CEP41: variants seen among roughly 807,000 people sequenced by gnomAD.
CEP41 encodes the protein centrosomal protein 41.
CEP41 carries 32 observed loss-of-function variants against 44.3 expected under a neutral mutation model. The observed-to-expected ratio is 0.72, with a 90% confidence interval of 0.54 to 0.97. CEP41 has a LOEUF of 0.97. Among genes scored for constraint, CEP41 ranks in the 50% least tolerant of loss-of-function variants. The pLI is 0.00. For synonymous variants in CEP41, 151 were observed against 168.5 expected, an observed-to-expected ratio of 0.90 and a Z score of 0.80; for missense variants, 432 against 455.2, an observed-to-expected ratio of 0.95 and a Z score of 0.46.
At chr7:130,440,311 C>G (rs1324061884) in intron 1 of CEP41, among the ~76,000 whole-genome samples, 1 of 152,190 alleles carries the variant, frequency 6.6e-6, no homozygotes, top group Non-Finnish European at 1.5e-5. Flanking sequence ...AGCCACCGCG[C>G]CTGGTCCACT....
At position 130,404,661 on chromosome 7, in the gene CEP41, T is replaced by G; in HGVS notation, c.325A>C (p.Thr109Pro). 6.2e-7 allele frequency: 1 copy of G among 1,612,906 alleles called. No homozygotes were observed. The highest frequency in any genetic ancestry group is 1.1e-5 in the South Asian group (1 of 91,062). ...TCACCTGGATTTCCTTTCCCATTGG[T>G]CCTGGCAGTGGTTTCAGCATCAGGG... ...SDPDAETTAR[T>P]NGKGNPGEQS... The change falls in exon 6 of 11, where the codon ACC becomes CCC. Residue 109 changes from threonine to proline, a missense_variant. Transcript: ENST00000223208.
At chr7:130,420,173 C>T in intron 2 of CEP41, 1 of 531,172 alleles carries the variant, frequency 1.9e-6, no homozygotes, top group Non-Finnish European at 2.4e-6. Context: ...CACACACATA[C>T]ACAAAAACTA....
chr7:130,430,375 A>T (rs1357406081), intron 1 of CEP41, among the ~76,000 whole-genome samples: 2 of 152,088 alleles, frequency 1.3e-5, no homozygotes, highest in Non-Finnish European at 2.9e-5. Context: ...CAGGCAAATC[A>T]CATCTTTATC....
rs1796733340 is a variant in CEP41, at chr7:130,398,336, AT to A, written c.*554del. On this transcript the variant is annotated 3_prime_UTR_variant, in exon 11 of 11. Transcript: ENST00000223208. ...CCATACTCAAAACAGGGCCTGCAAT[AT>A]GCTGGGCAGAGAGCTCCTTGCTGAG... is the stretch of plus-strand genomic sequence containing the variant. The A allele has an allele frequency of 2.2e-6, 1 of 453,908 alleles. No individual in the cohort carries two copies. The highest frequency in any genetic ancestry group is 4.4e-6 in the Non-Finnish European group (1 of 226,780). The allele number at this position is 453,908 out of a possible 1,614,324, so 28.1% of individuals were successfully genotyped here. A position where few individuals can be genotyped will look rare whatever the true frequency, so the allele number is the denominator to read the frequency against.
intron 10 of CEP41, chr7:130,399,258 G>A: frequency 1.7e-6 from 1 of 591,190 alleles, no homozygotes; most frequent in South Asian, 2.0e-5. Context: ...ACCCAGATAG[G>A]TTTTTTTTCC....
intron 1 of CEP41, among the ~76,000 whole-genome samples, chr7:130,434,322 A>G (rs1554425725): frequency 6.6e-6 from 1 of 152,234 alleles, no homozygotes; most frequent in African/African-American, 2.4e-5. Flanking sequence ...AAGCTCTTAC[A>G]GAAAAAAAAT....
chr7:130,404,589 C>T lies in CEP41; in HGVS notation c.397G>A (p.Asp133Asn). ...EQFINNAGAG[D>N]SSRSTLQSVI... ...CTCTGAAGAGTTGAGCGGCTGGAGT[C>T]CCCTGCTCCTGCGTTGTTTATGAAC... The change falls in exon 6 of 11, where the codon GAC becomes AAC. Residue 133 changes from aspartate (D) to asparagine (N), a missense_variant. Physicochemically the swap from Asp to Asn is conservative, Grantham distance 23 (BLOSUM62 1). Coordinates refer to ENST00000223208, the MANE Select transcript of CEP41 (RefSeq NM_018718.3). 1 of 1,613,686 alleles carries T rather than the reference C, an allele frequency of 6.2e-7. No individual in the cohort carries two copies.
Position 130,399,861 on chromosome 7 carries a change from C to T in CEP41, c.973+178G>A. On this transcript the variant is annotated intron_variant, in intron 10 of 10. Coordinates refer to ENST00000223208, the MANE Select transcript of CEP41 (RefSeq NM_018718.3). ...GCTATGTTTTGATAAAGTCTCTCTTCAATGCGTAATTCTTGCCACTATCTG... is the reference window on the plus strand; with the variant it reads ...GCTATGTTTTGATAAAGTCTCTCTTTAATGCGTAATTCTTGCCACTATCTG... The T allele has an allele frequency of 8.1e-6, 5 of 615,612 alleles. No individual in the cohort carries two copies. In the Admixed American group the frequency reaches 1.4e-4, roughly 17 times the overall value. 38.1% of individuals were successfully genotyped at this position (615,612 alleles called of 1,614,324 possible).
intron 1 of CEP41, among the ~76,000 whole-genome samples, chr7:130,439,521 T>G (rs906429215): frequency 6.6e-6 from 1 of 152,190 alleles, no homozygotes; most frequent in Non-Finnish European, 1.5e-5. Flanking sequence ...TCTTCCCATT[T>G]CTGCCCTCCT....
chr7:130,405,368 A>G (rs1796979303), intron 5 of CEP41, among the ~76,000 whole-genome samples: 1 of 152,196 alleles, frequency 6.6e-6, no homozygotes, highest in Non-Finnish European at 1.5e-5. Context: ...AGACTTGTAT[A>G]TTTGGCAGAC....
intron 2 of CEP41, among the ~76,000 whole-genome samples, chr7:130,427,371 C>T (rs1244709951): frequency 6.6e-6 from 1 of 152,070 alleles, no homozygotes; most frequent in East Asian, 1.9e-4. Flanking sequence ...ATGGGAACAG[C>T]GTGGAAATAA....
At chr7:130,415,574 T>C (rs1797311099) in intron 3 of CEP41, among the ~76,000 whole-genome samples, 1 of 152,222 alleles carries the variant, frequency 6.6e-6, no homozygotes. Context: ...GGTTTAGATA[T>C]TAAAGAAACC....
intron 5 of CEP41, among the ~76,000 whole-genome samples, chr7:130,407,267 C>T (rs1415501250): frequency 2.0e-5 from 3 of 150,916 alleles, no homozygotes; most frequent in Non-Finnish European, 4.4e-5. Flanking sequence ...CACACACACA[C>T]ACACACACAC....
At chr7:130,417,059 C>T (rs1797359402) in intron 2 of CEP41, 93 bp from the exon 3 acceptor site, 1 of 1,347,678 alleles carries the variant, frequency 7.4e-7, no homozygotes, top group Non-Finnish European at 1.0e-6. Flanking sequence ...ATCCCCTAAG[C>T]TTTCCTATCC....
chr7:130,434,846 A>C (rs1554425852), intron 1 of CEP41, among the ~76,000 whole-genome samples: 1 of 152,200 alleles, frequency 6.6e-6, no homozygotes, highest in African/African-American at 2.4e-5. Context: ...AATAAAAGCA[A>C]TAAGAACCAA....
In CEP41 at chr7:130,398,229, A is replaced by G. The variant is rs1796728869; in HGVS notation, c.*662T>C. ...ATGCATACCTTTCTGGCTCCAGGAA[A>G]TATCTAGTAAGGGGGAGCATTCAGT... On this transcript the variant is annotated 3_prime_UTR_variant, in exon 11 of 11. Coordinates refer to ENST00000223208, the MANE Select transcript of CEP41 (RefSeq NM_018718.3). 2.2e-6 allele frequency: 1 copy of G among 453,998 alleles called. No individual in the cohort carries two copies. 28.1% of individuals were successfully genotyped at this position (453,998 alleles called of 1,614,324 possible).
chr7:130,435,467 G>A (rs755505321), intron 1 of CEP41, among the ~76,000 whole-genome samples: 98 of 152,250 alleles, frequency 6.4e-4, no homozygotes, highest in Non-Finnish European at 1.3e-3. Flanking sequence ...AGGATATATG[G>A]ATGACAGATA....
intron 1 of CEP41, among the ~76,000 whole-genome samples, chr7:130,431,779 C>T (rs937744276): frequency 5.9e-5 from 9 of 152,028 alleles, no homozygotes; most frequent in East Asian, 1.9e-4. Flanking sequence ...GCGGGAAATA[C>T]GGGGACAAAC....
intron 2 of CEP41, among the ~76,000 whole-genome samples, chr7:130,422,821 A>G (rs1358629495): frequency 6.6e-6 from 1 of 152,216 alleles, no homozygotes; most frequent in Admixed American, 6.5e-5. Context: ...GATGGGGTAG[A>G]TGTACTTAGC....
Sources: gnomAD v4.1 joint callset for allele counts (sites outside exome capture counted in the v4.1 genomes callset) on GRCh38, gnomAD v4.1.1 for gene constraint, MANE v1.5 for transcripts, NCBI Gene and HGNC (gene_info 2026-07-23, HGNC 2026-07-21) for gene names.